The following SPON1 variants were observed in gnomAD, a reference collection of about 807,000 sequenced individuals.
SPON1 encodes spondin 1, also known as spondin-1.
A neutral mutation model predicts 111.7 loss-of-function variants in SPON1; 52 were observed. The ratio of observed to expected loss-of-function variants is 0.47; its 90% CI spans 0.37 to 0.59. SPON1 has a LOEUF of 0.59. Ranked by LOEUF, SPON1 falls within the 20% of genes least tolerant of loss-of-function variation. The probability of loss-of-function intolerance (pLI) is 0.00; values close to 1 mark genes in which losing one functional copy is unlikely to be tolerated. For missense variants in SPON1, 957 were observed against 1,068.5 expected, an observed-to-expected ratio of 0.90 and a Z score of 1.46; for synonymous variants, 410 against 395.8, an observed-to-expected ratio of 1.04 and a Z score of -0.43.
At chr11:14,048,137 G>T (rs1038185760) in intron 3 of SPON1, among the ~76,000 whole-genome samples, 1 of 152,218 alleles carries the variant, frequency 6.6e-6, no homozygotes, top group Non-Finnish European at 1.5e-5. Context: ...TACTTGGGAG[G>T]CTGAGGTAGG....
intron 6 of SPON1, among the ~76,000 whole-genome samples, chr11:14,164,656 C>A (rs1554931708): frequency 6.6e-6 from 1 of 152,170 alleles, no homozygotes; most frequent in African/African-American, 2.4e-5. Context: ...TTCATCACGA[C>A]AGGGGCATTG....
chr11:14,099,240 T>A (rs1849125261), intron 5 of SPON1, among the ~76,000 whole-genome samples: 1 of 152,242 alleles, frequency 6.6e-6, no homozygotes, highest in South Asian at 2.1e-4. Flanking sequence ...GATCATTCAC[T>A]ATTTCCTGGC....
At chr11:14,178,045 A>ACACACACAC (rs1848197407) in intron 6 of SPON1, among the ~76,000 whole-genome samples, 6 of 142,704 alleles carry the variant, frequency 4.2e-5, no homozygotes, top group East Asian at 2.1e-4. Flanking sequence ...CACACACACA[A>ACACACACAC]ACACACACAC....
intron 2 of SPON1, among the ~76,000 whole-genome samples, chr11:13,988,027 C>T (rs1848198916): frequency 2.0e-5 from 3 of 152,084 alleles, no homozygotes; most frequent in Admixed American, 2.0e-4. Flanking sequence ...ATTGTCTTGG[C>T]TATTGCGGGC....
intron 5 of SPON1, among the ~76,000 whole-genome samples, chr11:14,082,987 A>G (rs1179035751): frequency 2.0e-5 from 3 of 152,036 alleles, no homozygotes; most frequent in African/African-American, 7.3e-5. Context: ...AAAATCTTTG[A>G]GGATCCCAAC....
chr11:14,158,169 T>C (rs7481916), intron 6 of SPON1, among the ~76,000 whole-genome samples: 59,622 of 151,828 alleles, frequency 0.39, 11,964 homozygotes, highest in East Asian at 0.55. Flanking sequence ...TTGGGTTGGG[T>C]TGTTTTTAAG....
At chr11:14,234,468 A>C (rs1205623591) in intron 6 of SPON1, among the ~76,000 whole-genome samples, 2 of 152,144 alleles carry the variant, frequency 1.3e-5, no homozygotes, top group African/African-American at 4.8e-5. Flanking sequence ...TACTCAGGGG[A>C]GCAGCAGACT....
chr11:14,118,067 T>C (rs976485173), intron 5 of SPON1, among the ~76,000 whole-genome samples: 1 of 152,188 alleles, frequency 6.6e-6, no homozygotes, highest in Non-Finnish European at 1.5e-5. Context: ...AGAGTTAAGA[T>C]TGAAATCTGA....
chr11:14,020,669 G>T (rs1848475086), intron 2 of SPON1, among the ~76,000 whole-genome samples: 3 of 152,200 alleles, frequency 2.0e-5, no homozygotes, highest in Admixed American at 6.5e-5. Flanking sequence ...AGGGGTGATT[G>T]ATCTGATCTG....
At chr11:14,105,585 C>A (rs1295429129) in intron 5 of SPON1, among the ~76,000 whole-genome samples, 1 of 152,060 alleles carries the variant, frequency 6.6e-6, no homozygotes, top group Non-Finnish European at 1.5e-5. Flanking sequence ...CCATCCCCAC[C>A]CCACCCTGCA....
At chr11:14,013,379 A>C (rs1554913939) in intron 2 of SPON1, among the ~76,000 whole-genome samples, 1 of 152,098 alleles carries the variant, frequency 6.6e-6, no homozygotes. Context: ...AAAAAAATCT[A>C]CTCTATTAGT....
At chr11:14,071,281 A>G (rs1554920865) in intron 3 of SPON1, among the ~76,000 whole-genome samples, 1 of 152,124 alleles carries the variant, frequency 6.6e-6, no homozygotes, top group East Asian at 1.9e-4. Flanking sequence ...TCCGCAACCA[A>G]GTGTACCAAA....
intron 6 of SPON1, among the ~76,000 whole-genome samples, chr11:14,239,163 C>T (rs1591423059): frequency 6.6e-6 from 1 of 152,144 alleles, no homozygotes; most frequent in Non-Finnish European, 1.5e-5. Context: ...GGCAAGTTCT[C>T]CTGAGGCTTT....
intron 2 of SPON1, among the ~76,000 whole-genome samples, chr11:14,020,156 G>A (rs1282821699): frequency 2.6e-5 from 4 of 152,168 alleles, no homozygotes; most frequent in East Asian, 3.9e-4. Context: ...AGGGAGGGAG[G>A]ACATTTAGAG....
chr11:14,190,192 G>C (rs560127266), intron 6 of SPON1, among the ~76,000 whole-genome samples: 1 of 151,766 alleles, frequency 6.6e-6, no homozygotes, highest in South Asian at 2.1e-4. Flanking sequence ...AACTTCCTCA[G>C]CCAAGCAAGA....
chr11:13,991,182 C>G (rs1377471413), intron 2 of SPON1, among the ~76,000 whole-genome samples: 6 of 152,264 alleles, frequency 3.9e-5, no homozygotes, highest in Admixed American at 3.9e-4. Context: ...CAACTTGGTT[C>G]CATTCTCCCC....
Position 13,962,729 on chromosome 11 carries a change from G to A in SPON1, c.-176G>A, listed in dbSNP as rs1847981780. 1 of 588,950 alleles carries A rather than the reference G, an allele frequency of 1.7e-6. No homozygotes were observed. Among genetic ancestry groups the A allele is most frequent in the African/African-American group, 2.0e-5 (1 of 50,054 alleles). The allele number at this position is 588,950 out of a possible 1,614,324, so 36.5% of individuals were successfully genotyped here. A position where few individuals can be genotyped will look rare whatever the true frequency, so the allele number is the denominator to read the frequency against. ...GCTTGGCTCAGCTCAGCTCAGCTCA[G>A]CGCAGCTCCGCGGCCGCCAAGCCGA... On this transcript the variant is annotated 5_prime_UTR_variant, in exon 1 of 16. Coordinates refer to ENST00000576479, the MANE Select transcript of SPON1 (RefSeq NM_006108.4).
intron 2 of SPON1, among the ~76,000 whole-genome samples, chr11:14,016,870 C>T (rs1299072764): frequency 6.6e-6 from 1 of 152,154 alleles, no homozygotes; most frequent in Non-Finnish European, 1.5e-5. Context: ...AAGTGCTGGG[C>T]ACTGCATGTG....
chr11:14,058,281 C>G (rs1272842526), intron 3 of SPON1, among the ~76,000 whole-genome samples: 1 of 152,096 alleles, frequency 6.6e-6, no homozygotes, highest in Non-Finnish European at 1.5e-5. Context: ...TTCATCACAT[C>G]CCAAGTGCCA....
Sources: gnomAD v4.1 joint callset for allele counts (sites outside exome capture counted in the v4.1 genomes callset) on GRCh38, gnomAD v4.1.1 for gene constraint, MANE v1.5 for transcripts, NCBI Gene and HGNC (gene_info 2026-07-23, HGNC 2026-07-21) for gene names.